The following AATK variants were observed in gnomAD, a reference collection of about 807,000 sequenced individuals.
AATK encodes lemur tail kinase 1, also known as serine/threonine-protein kinase LMTK1.
A neutral mutation model predicts 114.3 loss-of-function variants in AATK; 91 were observed. The ratio of observed to expected loss-of-function variants is 0.80; its 90% CI spans 0.67 to 0.95. AATK has a LOEUF of 0.95. Ranked by LOEUF, AATK falls within the 40% of genes least tolerant of loss-of-function variation. The pLI, the probability that AATK is intolerant of heterozygous loss-of-function variation, is 0.00. For missense variants in AATK, 2,176 were observed against 1,965.2 expected, an observed-to-expected ratio of 1.11 and a Z score of -2.03; for synonymous variants, 1,075 against 916.5, an observed-to-expected ratio of 1.17 and a Z score of -3.12.
chr17:81,119,468 A>AGCGGGCGTGGGC lies in AATK; in HGVS notation c.3984_3995dup (p.Thr1330_Pro1333dup), dbSNP rs1555689786. 4 of 1,475,628 alleles carry AGCGGGCGTGGGC rather than the reference A, an allele frequency of 2.7e-6. No homozygotes were observed. In the African/African-American group the frequency reaches 4.7e-5, roughly 17 times the overall value. The allele number at this position is 1,475,628 out of a possible 1,614,324, so 91.4% of individuals were successfully genotyped here. On this transcript the variant is annotated inframe_insertion, in exon 13 of 14. Coordinates refer to ENST00000326724, the MANE Select transcript of AATK (RefSeq NM_001080395.3). Reference sequence around the variant, plus strand: ...GCGACACCGTGAAGCGCGAGAAGGGAGCGGGCGTGGGCGTGGGCGCAGCCG... The same window carrying AGCGGGCGTGGGC: ...GCGACACCGTGAAGCGCGAGAAGGGAGCGGGCGTGGGCGCGGGCGTGGGCGTGGGCGCAGCCG...
chr17:81,120,218 C>T lies in AATK; in HGVS notation c.3718G>A (p.Val1240Ile), dbSNP rs370847936. 4.0e-5 allele frequency: 63 copies of T among 1,582,292 alleles called. No homozygotes were observed. The highest frequency in any genetic ancestry group is 5.3e-5 in the Non-Finnish European group (61 of 1,158,206). Reference protein sequence around the residue: ...KAVSFFDDVTVYLFDQESPTR... With the variant: ...KAVSFFDDVTIYLFDQESPTR... ...CGGCCCACCTGGTCAAAGAGGTAGA[C>T]GGTGACGTCGTCGAAGAAGGACACG... The change falls in exon 11 of 14, where the codon GTC (valine) becomes ATC (isoleucine). Residue 1240 changes from valine to isoleucine, a missense_variant. Physicochemically the swap from Val to Ile is conservative, Grantham distance 29 (BLOSUM62 3). Around this residue, in one of 4 missense-constraint regions of AATK, gnomAD observed 1,701 missense variants for 1,394.7 expected, o/e 1.22. Transcript: ENST00000326724.
At position 81,126,797 on chromosome 17, in the gene AATK, G is replaced by A. The variant is rs370330452; in HGVS notation, c.622-237C>T. On this transcript the variant is annotated intron_variant, in intron 6 of 13. Transcript: ENST00000326724. This position sits in a 1 kb window ranked among gnomAD's most constrained non-coding sequence, Gnocchi z 5.1. ...TCTCCACTGCCCCTCAGCCAGCCCCGGGCAGCAGGAGTCCCTTGGCCTGTG... is the reference window on the plus strand; with the variant it reads ...TCTCCACTGCCCCTCAGCCAGCCCCAGGCAGCAGGAGTCCCTTGGCCTGTG... 11,029 of 1,374,918 alleles carry A rather than the reference G, an allele frequency of 8.0e-3. 75 individuals are homozygous for A. The highest frequency in any genetic ancestry group is 0.035 in the South Asian group (1,918 of 55,158). 85.2% of individuals were successfully genotyped at this position (1,374,918 alleles called of 1,614,324 possible).
chr17:81,165,874 C>A, intron 1 of AATK, 64 bp downstream of exon 1: 2 of 1,546,082 alleles, frequency 1.3e-6, no homozygotes, highest in South Asian at 2.4e-5. Flanking sequence ...CCGTGGGGCC[C>A]AGGGGCATCA....
chr17:81,118,823 C>G (rs1171400768), intron 13 of AATK, among the ~76,000 whole-genome samples: 1 of 152,208 alleles, frequency 6.6e-6, no homozygotes. Flanking sequence ...GCCAGGACAG[C>G]TAGGGAAGAG....
In AATK at chr17:81,165,957, GA is replaced by G; in HGVS notation, c.35del (p.Phe12SerfsTer117). ...SSSFFNPSFAFSSHFDPDGAP... is the reference protein window; with the variant it reads ...SSSFFNPSFAXSSHFDPDGAP... Reference sequence around the variant, plus strand: ...ACTCACCGGGGTCGAAGTGCGAGCTGAAGGCGAAGCTGGGGTTGAAGAAGGA... The same window carrying G: ...ACTCACCGGGGTCGAAGTGCGAGCTGAGGCGAAGCTGGGGTTGAAGAAGGA... On this transcript the variant is annotated frameshift_variant, in exon 1 of 14. Transcript: ENST00000326724. LOFTEE classifies it high-confidence loss of function. The G allele has an allele frequency of 6.3e-7, 1 of 1,585,836 alleles. No individual in the cohort carries two copies. Among genetic ancestry groups the G allele is most frequent in the South Asian group, 1.2e-5 (1 of 86,778 alleles).
At chr17:81,151,853 G>C (rs144589370) in intron 1 of AATK, among the ~76,000 whole-genome samples, 1 of 152,200 alleles carries the variant, frequency 6.6e-6, no homozygotes. Flanking sequence ...GGTGGCCTTC[G>C]ATTTGGGTGT....
intron 10 of AATK, 140 bp downstream of exon 10, chr17:81,123,054 G>T (rs940580320): frequency 2.1e-5 from 22 of 1,030,644 alleles, no homozygotes; most frequent in Admixed American, 3.7e-5. Context: ...TGCAGAGGTG[G>T]CGGGTGGAGG....
chr17:81,145,733 C>CAAAA (rs11332251), intron 1 of AATK, among the ~76,000 whole-genome samples: 2 of 71,134 alleles, frequency 2.8e-5, no homozygotes. Context: ...AACTCCATCT[C>CAAAA]AAAAAAAAAA....
Position 81,155,438 on chromosome 17 carries a change from A to T in AATK, c.55+10500T>A, listed in dbSNP as rs182150303. Among the ~76,000 whole-genome samples, 147 of 151,800 alleles carry T rather than the reference A, an allele frequency of 9.7e-4. 4 individuals are homozygous for T. In the East Asian group the frequency reaches 0.026, roughly 27 times the overall value. On this transcript the variant is annotated intron_variant, in intron 1 of 13. Transcript: ENST00000326724. ...AGTCTCACTCTGTCGCCCAAGTTGG[A>T]GTGCAGTGCGTGATCTTGGCTCACT...
At chr17:81,130,232 C>G (rs1442857686) in intron 3 of AATK, among the ~76,000 whole-genome samples, 3 of 152,222 alleles carry the variant, frequency 2.0e-5, no homozygotes, top group Non-Finnish European at 4.4e-5. Context: ...TCTGTGTTCC[C>G]AGAGGAGCTG....
At chr17:81,134,064 C>G (rs1341455301) in intron 2 of AATK, among the ~76,000 whole-genome samples, 1 of 152,202 alleles carries the variant, frequency 6.6e-6, no homozygotes, top group African/African-American at 2.4e-5. Flanking sequence ...GCCCCCGACG[C>G]CCCCTGCAAG....
rs779025095 is a variant in AATK at position 81,126,527 on chromosome 17, C to A, written c.655G>T (p.Val219Leu). 1 of 1,548,300 alleles carries A rather than the reference C, an allele frequency of 6.5e-7. No individual in the cohort carries two copies. The highest frequency in any genetic ancestry group is 1.2e-5 in the South Asian group (1 of 84,030). Residue 219 changes from valine (V) to leucine (L), a missense_variant, in exon 7 of 14, where the codon GTG becomes TTG. Coordinates refer to ENST00000326724, the MANE Select transcript of AATK (RefSeq NM_001080395.3). This position sits in a 1 kb window ranked among gnomAD's most constrained non-coding sequence, Gnocchi z 5.1. The stretch of plus-strand genomic sequence containing the variant: ...GGGTCGGGAGCCATGGACTCCGCCA[C>A]CCGGCAGCTCCGCAGGTAGCCCTTG... ...DLKGYLRSCR[V>L]AESMAPDPRT...
rs757656872 is a variant in AATK, at chr17:81,120,029, G to A, written c.3790C>T (p.Pro1264Ser). The A allele has an allele frequency of 3.4e-6, 5 of 1,453,550 alleles. No homozygotes were observed. The highest frequency in any genetic ancestry group is 2.7e-6 in the Non-Finnish European group (3 of 1,100,898). 90.0% of individuals were successfully genotyped at this position (1,453,550 alleles called of 1,614,324 possible). A position where few individuals can be genotyped will look rare whatever the true frequency, so the allele number is the denominator to read the frequency against. The change falls in exon 12 of 14, where the codon CCT becomes TCT. Residue 1264 changes from proline (P) to serine (S), a missense_variant. Transcript: ENST00000326724. Reference protein sequence around the residue: ...EPFPGAKESPPTFLRGSPGSP... With the variant: ...EPFPGAKESPSTFLRGSPGSP... ...CCGGGGCTCCCCCTAAGGAACGTAG[G>A]GGGCGATTCCTTGGCGCCCGGGAAG...
At position 81,119,989 on chromosome 17, in the gene AATK, G is replaced by A; in HGVS notation, c.3830C>T (p.Pro1277Leu). ...GCCATCAGCCTGCTGCGGCCGGTTG[G>A]GGGCGCTGGGAGAGCCGGGGCTCCC... ...LRGSPGSPSAPNRPQQADGSP... is the reference protein window; with the variant it reads ...LRGSPGSPSALNRPQQADGSP... The change falls in exon 12 of 14, where the codon CCC becomes CTC. Residue 1277 changes from proline (P) to leucine (L), a missense_variant. This residue lies in a region of AATK where 1,701 missense variants were observed against 1,394.7 expected (regional missense o/e 1.22). Transcript: ENST00000326724. 6.9e-7 allele frequency: 1 copy of A among 1,447,402 alleles called. No homozygotes were observed. The highest frequency in any genetic ancestry group is 1.8e-4 in the Middle Eastern group (1 of 5,464). The allele number at this position is 1,447,402 out of a possible 1,614,324, so 89.7% of individuals were successfully genotyped here.
chr17:81,124,639 A>G, intron 9 of AATK, 88 bp downstream of exon 9: 1 of 1,562,830 alleles, frequency 6.4e-7, no homozygotes, highest in Non-Finnish European at 8.7e-7. Flanking sequence ...CAGCCCCCTG[A>G]CCTCACTACT....
chr17:81,149,701 C>CT (rs2061270362), intron 1 of AATK, among the ~76,000 whole-genome samples: 2 of 152,014 alleles, frequency 1.3e-5, no homozygotes, highest in African/African-American at 4.8e-5. Flanking sequence ...GGAGCCTGTG[C>CT]CCCCATGAGC....
chr17:81,149,858 T>C (rs2061272698), intron 1 of AATK, among the ~76,000 whole-genome samples: 1 of 152,108 alleles, frequency 6.6e-6, no homozygotes, highest in African/African-American at 2.4e-5. Context: ...GGTGCCTCAG[T>C]TTCCCCAGTC....
chr17:81,123,381 C>A (rs2060726986), intron 9 of AATK, 38 bp from the exon 10 acceptor site: 5 of 1,330,910 alleles, frequency 3.8e-6, no homozygotes, highest in Non-Finnish European at 4.8e-6. Flanking sequence ...CTGGGCACAG[C>A]CTGCCACAGC....
At chr17:81,142,434 G>A (rs956873200) in intron 1 of AATK, among the ~76,000 whole-genome samples, 3 of 151,788 alleles carry the variant, frequency 2.0e-5, no homozygotes, top group South Asian at 2.1e-4. Context: ...CACCACACCC[G>A]CTAATTTTTA....
Sources: gnomAD v4.1 joint callset for allele counts (sites outside exome capture counted in the v4.1 genomes callset) on GRCh38, gnomAD v4.1.1 for gene constraint, gnomAD v4.1.1 regional missense constraint, Gnocchi (gnomAD v3.1) non-coding constraint, MANE v1.5 for transcripts, NCBI Gene and HGNC (gene_info 2026-07-23, HGNC 2026-07-21) for gene names.